GALNT17: variants seen among roughly 807,000 people sequenced by gnomAD.
GALNT17 encodes the protein UDP-GalNAc:polypeptide N-acetylgalactosaminyltransferase-like 3.
GALNT17 carries 29 observed loss-of-function variants against 63.7 expected under a neutral mutation model. The ratio of observed to expected loss-of-function variants is 0.46; its 90% CI spans 0.34 to 0.62. The LOEUF is 0.62. Among genes scored for constraint, GALNT17 ranks in the 20% least tolerant of loss-of-function variants. The pLI is 0.01. For missense variants in GALNT17, 603 were observed against 799.6 expected (o/e 0.75, Z 2.97); for synonymous variants, 305 against 318.3 (o/e 0.96, Z 0.45).
chr7:71,161,619 A>T (rs986131446), intron 1 of GALNT17, among the ~76,000 whole-genome samples: 2 of 152,164 alleles, frequency 1.3e-5, no homozygotes, highest in African/African-American at 4.8e-5. Flanking sequence ...CTGAAAAAAT[A>T]TTCAGATTTT....
chr7:71,217,787 G>A (rs1789512319), intron 1 of GALNT17, among the ~76,000 whole-genome samples: 1 of 152,002 alleles, frequency 6.6e-6, no homozygotes, highest in African/African-American at 2.4e-5. Context: ...AATTAACTGG[G>A]CATGGTAGCA....
intron 5 of GALNT17, among the ~76,000 whole-genome samples, chr7:71,539,707 CTTTTTTTTTTTTTTT>C (rs71089953): frequency 1.4e-5 from 1 of 71,416 alleles, no homozygotes; most frequent in Non-Finnish European, 2.4e-5. Flanking sequence ...TTAGTCCCAC[CTTTTTTTTTTTTTTT>C]TTTTTTTTTT....
intron 1 of GALNT17, among the ~76,000 whole-genome samples, chr7:71,224,215 CTTTGTATTTTTAGTAAACGGAGT>C: frequency 6.6e-6 from 1 of 152,018 alleles, no homozygotes; most frequent in Non-Finnish European, 1.5e-5. Context: ...GCCTGGCTAA[CTTTGTATTTTTAGTAAACGGAGT>C]TTTGCCATGT....
At chr7:71,184,852 A>G (rs1043643677) in intron 1 of GALNT17, among the ~76,000 whole-genome samples, 1 of 152,068 alleles carries the variant, frequency 6.6e-6, no homozygotes, top group African/African-American at 2.4e-5. Context: ...GGCAGTGTAT[A>G]AGACTTCTGG....
intron 1 of GALNT17, among the ~76,000 whole-genome samples, chr7:71,322,878 C>T (rs1201864487): frequency 3.3e-5 from 5 of 150,972 alleles, no homozygotes. Context: ...CTTGGACTTC[C>T]CAGCCTCTAG....
At chr7:71,640,199 A>G (rs1306818339) in intron 6 of GALNT17, among the ~76,000 whole-genome samples, 1 of 152,226 alleles carries the variant, frequency 6.6e-6, no homozygotes. Flanking sequence ...GAAAAGATCA[A>G]GATATCCACG....
At chr7:71,445,182 T>TA (rs745593627) in intron 5 of GALNT17, among the ~76,000 whole-genome samples, 2 of 146,840 alleles carry the variant, frequency 1.4e-5, no homozygotes, top group African/African-American at 5.0e-5. Context: ...TTTCTTTCTT[T>TA]TTTTTTTTTT....
intron 5 of GALNT17, among the ~76,000 whole-genome samples, chr7:71,438,143 G>C (rs1478440753): frequency 6.6e-6 from 1 of 152,112 alleles, no homozygotes; most frequent in Non-Finnish European, 1.5e-5. Flanking sequence ...AATAATATAT[G>C]TATGTATGTA....
At chr7:71,644,825 G>C (rs1790652858) in intron 6 of GALNT17, among the ~76,000 whole-genome samples, 1 of 152,056 alleles carries the variant, frequency 6.6e-6, no homozygotes, top group Non-Finnish European at 1.5e-5. Context: ...AAGAGTGCTG[G>C]GGGCAAGTCA....
intron 2 of GALNT17, among the ~76,000 whole-genome samples, chr7:71,346,174 AGAGTGAGAT>A (rs1207411283): frequency 3.9e-5 from 6 of 152,014 alleles, no homozygotes; most frequent in African/African-American, 1.4e-4. Flanking sequence ...CTTGGATAAC[AGAGTGAGAT>A]GAGTGTGTAC....
intron 5 of GALNT17, among the ~76,000 whole-genome samples, chr7:71,438,642 G>A (rs148265432): frequency 1.3e-3 from 205 of 152,246 alleles, no homozygotes; most frequent in African/African-American, 4.3e-3. Flanking sequence ...CATGTAAAAT[G>A]CTTAAAACAG....
chr7:71,525,810 G>T (rs565036732), intron 5 of GALNT17, among the ~76,000 whole-genome samples: 11 of 143,992 alleles, frequency 7.6e-5, no homozygotes, highest in Non-Finnish European at 1.5e-4. Flanking sequence ...CATGATCTTG[G>T]CTCACTGCAG....
At chr7:71,162,119 C>CCCTTCCTTCCTT (rs1399858664) in intron 1 of GALNT17, among the ~76,000 whole-genome samples, 75 of 34,484 alleles carry the variant, frequency 2.2e-3, no homozygotes, top group African/African-American at 0.012. Context: ...CTCCCTCCCT[C>CCCTTCCTTCCTT]CCTCCCTTCC....
chr7:71,622,197 C>T (rs531420254), intron 6 of GALNT17, among the ~76,000 whole-genome samples: 1 of 152,342 alleles, frequency 6.6e-6, no homozygotes, highest in South Asian at 2.1e-4. Context: ...CTAGAATGGG[C>T]AACATGGCGG....
intron 5 of GALNT17, among the ~76,000 whole-genome samples, chr7:71,472,554 C>T (rs1345596272): frequency 2.6e-5 from 4 of 152,182 alleles, no homozygotes; most frequent in Middle Eastern, 3.4e-3. Context: ...GGTGTGATGG[C>T]GTGCGCCTGT....
intron 1 of GALNT17, among the ~76,000 whole-genome samples, chr7:71,321,108 G>A (rs1791597820): frequency 6.6e-6 from 1 of 152,196 alleles, no homozygotes; most frequent in South Asian, 2.1e-4. Flanking sequence ...GGTGTACAGT[G>A]TCAAGCACAC....
chr7:71,294,740 A>T (rs1227831784), intron 1 of GALNT17, among the ~76,000 whole-genome samples: 16 of 152,116 alleles, frequency 1.1e-4, no homozygotes, highest in Non-Finnish European at 1.8e-4. Context: ...TGTATGCTTT[A>T]TACAGACATC....
chr7:71,640,879 C>T (rs1475143990), intron 6 of GALNT17, among the ~76,000 whole-genome samples: 2 of 151,926 alleles, frequency 1.3e-5, no homozygotes, highest in African/African-American at 4.8e-5. Context: ...AACATTATTC[C>T]GAGAAGGGAT....
intron 5 of GALNT17, among the ~76,000 whole-genome samples, chr7:71,538,180 A>G (rs1788830618): frequency 6.6e-6 from 1 of 152,222 alleles, no homozygotes; most frequent in African/African-American, 2.4e-5. Context: ...TTTTGTACTT[A>G]GAACACTTCG....
Sources: allele counts gnomAD v4.1 joint callset (sites outside exome capture counted in the v4.1 genomes callset), GRCh38; gene constraint gnomAD v4.1.1; transcripts MANE v1.5; gene names NCBI Gene and HGNC (gene_info 2026-07-23, HGNC 2026-07-21).